SEL1L2: variants seen among roughly 807,000 people sequenced by gnomAD.
SEL1L2 encodes the protein protein sel-1 homolog 2.
A neutral mutation model predicts 98.8 loss-of-function variants in SEL1L2; 89 were observed. The ratio of observed to expected loss-of-function variants is 0.90; its 90% CI spans 0.76 to 1.07. The LOEUF (loss-of-function observed/expected upper bound fraction) is 1.07, where lower values mean the gene tolerates loss of function less well. Among genes scored for constraint, SEL1L2 ranks in the 50% least tolerant of loss-of-function variants. The pLI is 0.00. For synonymous variants in SEL1L2, 262 were observed against 278.5 expected, an observed-to-expected ratio of 0.94 and a Z score of 0.59; for missense variants, 788 against 812.0, an observed-to-expected ratio of 0.97 and a Z score of 0.36.
At chr20:13,873,769 T>C (rs1315289803) in intron 12 of SEL1L2, among the ~76,000 whole-genome samples, 1 of 152,194 alleles carries the variant, frequency 6.6e-6, no homozygotes, top group Non-Finnish European at 1.5e-5. Context: ...TTAGGTTAGC[T>C]GACATGAAGC....
intron 18 of SEL1L2, among the ~76,000 whole-genome samples, chr20:13,856,368 G>A (rs1989160837): frequency 6.6e-6 from 1 of 152,138 alleles, no homozygotes; most frequent in South Asian, 2.1e-4. Flanking sequence ...GACCTCAAGT[G>A]ATCTGCCCAC....
At chr20:13,967,887 C>G (rs562592349) in intron 1 of SEL1L2, among the ~76,000 whole-genome samples, 8 of 152,226 alleles carry the variant, frequency 5.3e-5, no homozygotes, top group Middle Eastern at 3.4e-3. Flanking sequence ...TTCCATTCCT[C>G]TCTTAACAGA....
intron 17 of SEL1L2, among the ~76,000 whole-genome samples, 156 bp from the exon 18 acceptor site, chr20:13,859,590 C>A (rs984003525): frequency 6.6e-6 from 1 of 152,212 alleles, no homozygotes; most frequent in Non-Finnish European, 1.5e-5. Flanking sequence ...AACCCCAGAA[C>A]TGGAATTAGA....
At chr20:13,887,262 TC>T (rs373446418) in intron 8 of SEL1L2, among the ~76,000 whole-genome samples, 78 of 152,318 alleles carry the variant, frequency 5.1e-4, no homozygotes, top group African/African-American at 1.9e-3. Context: ...CTAGTTTTTT[TC>T]CTCCTTCTTT....
intron 17 of SEL1L2, among the ~76,000 whole-genome samples, chr20:13,863,217 C>T (rs1311874801): frequency 6.6e-6 from 1 of 152,158 alleles, no homozygotes; most frequent in Non-Finnish European, 1.5e-5. Context: ...CCCTAAGATT[C>T]CTCCTGGGCT....
At chr20:13,966,611 C>T (rs939337073) in intron 1 of SEL1L2, among the ~76,000 whole-genome samples, 2 of 151,814 alleles carry the variant, frequency 1.3e-5, no homozygotes, top group Non-Finnish European at 2.9e-5. Flanking sequence ...TGAGCCACTG[C>T]GCCTGGCCAC....
chr20:13,964,446 CATTT>C (rs1569053282), intron 1 of SEL1L2, among the ~76,000 whole-genome samples: 2 of 105,362 alleles, frequency 1.9e-5, no homozygotes, highest in Non-Finnish European at 1.9e-5. Context: ...GCTATCTCTT[CATTT>C]TTTTTTTTTT....
At chr20:13,918,610 C>T (rs2048512580) in intron 4 of SEL1L2, among the ~76,000 whole-genome samples, 1 of 152,192 alleles carries the variant, frequency 6.6e-6, no homozygotes, top group African/African-American at 2.4e-5. Flanking sequence ...GAATCACATA[C>T]ATGAAAGTGC....
intron 1 of SEL1L2, among the ~76,000 whole-genome samples, chr20:13,964,566 C>T (rs1043024804): frequency 1.3e-5 from 2 of 151,212 alleles, no homozygotes; most frequent in African/African-American, 4.9e-5. Flanking sequence ...GATTCTCCTG[C>T]CTCAGCCTCC....
intron 2 of SEL1L2, among the ~76,000 whole-genome samples, chr20:13,951,276 CAA>C (rs764034768): frequency 1.1e-3 from 27 of 25,506 alleles, no homozygotes; most frequent in African/African-American, 2.0e-3. Context: ...GACTCCGTCT[CAA>C]AAAAAAAAAA....
chr20:13,954,231 A>C (rs2148437972), intron 2 of SEL1L2, among the ~76,000 whole-genome samples: 1 of 152,256 alleles, frequency 6.6e-6, no homozygotes, highest in African/African-American at 2.4e-5. Flanking sequence ...ATGGAAGATA[A>C]CCAGAATTTG....
intron 3 of SEL1L2, among the ~76,000 whole-genome samples, chr20:13,924,764 A>G (rs1160353704): frequency 6.6e-6 from 1 of 151,948 alleles, no homozygotes; most frequent in Non-Finnish European, 1.5e-5. Flanking sequence ...CTTTGTCAGG[A>G]TGCCTTGTTT....
chr20:13,965,304 C>T (rs2050990325), intron 1 of SEL1L2, among the ~76,000 whole-genome samples: 1 of 152,280 alleles, frequency 6.6e-6, no homozygotes, highest in African/African-American at 2.4e-5. Flanking sequence ...GAGGATGATT[C>T]TAAAACCTGG....
At chr20:13,941,315 A>G (rs2049765888) in intron 2 of SEL1L2, among the ~76,000 whole-genome samples, 1 of 152,176 alleles carries the variant, frequency 6.6e-6, no homozygotes. Flanking sequence ...TTTTGATATC[A>G]CTTCCCCTCA....
intron 5 of SEL1L2, among the ~76,000 whole-genome samples, chr20:13,907,684 C>T (rs1008760232): frequency 2.7e-5 from 4 of 146,778 alleles, no homozygotes; most frequent in Non-Finnish European, 6.0e-5. Flanking sequence ...CTCTTTTTCT[C>T]TTTCTTTCTT....
At chr20:13,920,044 C>T (rs1466550849) in intron 3 of SEL1L2, among the ~76,000 whole-genome samples, 2 of 151,802 alleles carry the variant, frequency 1.3e-5, no homozygotes, top group Non-Finnish European at 2.9e-5. Flanking sequence ...GCCTGGCCAA[C>T]ATGGTGAAAC....
At chr20:13,874,863 T>C (rs140914481) in intron 12 of SEL1L2, among the ~76,000 whole-genome samples, 53 of 152,302 alleles carry the variant, frequency 3.5e-4, no homozygotes, top group African/African-American at 9.1e-4. Context: ...AGTATGCAAC[T>C]GTAAGACAAC....
intron 3 of SEL1L2, among the ~76,000 whole-genome samples, chr20:13,920,389 T>G (rs1416553148): frequency 6.6e-6 from 1 of 152,094 alleles, no homozygotes; most frequent in Non-Finnish European, 1.5e-5. Flanking sequence ...ATGAAGAAAT[T>G]AAATTTTACC....
chr20:13,857,817 C>T (rs1989404059), intron 18 of SEL1L2, among the ~76,000 whole-genome samples: 1 of 152,180 alleles, frequency 6.6e-6, no homozygotes, highest in Non-Finnish European at 1.5e-5. Flanking sequence ...AGCAGTCATT[C>T]TACATACTGT....
Sources: gnomAD v4.1 joint callset for allele counts (sites outside exome capture counted in the v4.1 genomes callset) on GRCh38, gnomAD v4.1.1 for gene constraint, MANE v1.5 for transcripts, NCBI Gene and HGNC (gene_info 2026-07-23, HGNC 2026-07-21) for gene names.